Variants in PSTPIP2 observed in about 807,000 individuals in gnomAD.
PSTPIP2 encodes proline-serine-threonine phosphatase interacting protein 2.
PSTPIP2 carries 33 observed loss-of-function variants against 63.3 expected under a neutral mutation model. The ratio of observed to expected loss-of-function variants is 0.52; its 90% CI spans 0.40 to 0.70. The LOEUF is 0.70. Among genes scored for constraint, PSTPIP2 ranks in the 30% least tolerant of loss-of-function variants. PSTPIP2 has a pLI of 0.00. For synonymous variants in PSTPIP2, 125 were observed against 132.7 expected, an observed-to-expected ratio of 0.94 and a Z score of 0.40; for missense variants, 312 against 400.7, an observed-to-expected ratio of 0.78 and a Z score of 1.89.
chr18:46,040,146 C>T (rs1310547608), intron 1 of PSTPIP2, 99 bp from the exon 2 acceptor site: 3 of 966,972 alleles, frequency 3.1e-6, no homozygotes, highest in South Asian at 1.6e-5. Flanking sequence ...GGCCACGGAA[C>T]GTTGCTGACT....
At chr18:46,039,894 G>A (rs990662650) in intron 2 of PSTPIP2, 53 bp downstream of exon 2, 1 of 1,427,544 alleles carries the variant, frequency 7.0e-7, no homozygotes, top group Non-Finnish European at 9.9e-7. Context: ...TTCCTTGTCT[G>A]TGTGGAGACA....
intron 2 of PSTPIP2, chr18:46,028,670 G>A (rs1285948179): frequency 2.3e-6 from 2 of 859,522 alleles, no homozygotes; most frequent in African/African-American, 1.7e-5. Flanking sequence ...TGGTTGACAT[G>A]ATGAACAATC....
At chr18:46,006,423 G>A (rs1288283034) in intron 5 of PSTPIP2, among the ~76,000 whole-genome samples, 1 of 141,178 alleles carries the variant, frequency 7.1e-6, no homozygotes, top group Non-Finnish European at 1.5e-5. Flanking sequence ...CCAGGCTAGA[G>A]TGCAGTGGTG....
intron 1 of PSTPIP2, among the ~76,000 whole-genome samples, chr18:46,071,833 G>T (rs1364535015): frequency 2.0e-5 from 3 of 152,256 alleles, no homozygotes; most frequent in Non-Finnish European, 4.4e-5. Context: ...AGGTGTCTCG[G>T]CTCTCTGCGT....
intron 1 of PSTPIP2, among the ~76,000 whole-genome samples, chr18:46,062,767 G>A (rs778755999): frequency 6.6e-6 from 1 of 152,034 alleles, no homozygotes; most frequent in Non-Finnish European, 1.5e-5. Flanking sequence ...CACCTGCCTT[G>A]GCCTCCCAAA....
At position 46,037,441 on chromosome 18, in the gene PSTPIP2, C is replaced by T. The variant is rs112554968; in HGVS notation, c.134+2506G>A. 4.7e-3 allele frequency among the ~76,000 whole-genome samples: 714 copies of T among 152,234 alleles called. 11 individuals are homozygous for T. The highest frequency in any genetic ancestry group is 0.03 in the Admixed American group (451 of 15,282). On this transcript the variant is annotated intron_variant, in intron 2 of 14. Coordinates refer to ENST00000409746, the MANE Select transcript of PSTPIP2 (RefSeq NM_024430.4). ...GGATTACAGGTGTGAGCCACCACGC[C>T]CTGCCTCTACATGTAATTTATGACA... is the stretch of plus-strand genomic sequence containing the variant.
intron 6 of PSTPIP2, 134 bp from the exon 7 acceptor site, chr18:45,999,668 C>A: frequency 2.6e-6 from 2 of 764,948 alleles, no homozygotes; most frequent in Non-Finnish European, 4.2e-6. Flanking sequence ...AAGCCATGGG[C>A]TCCCAGAGGG....
intron 4 of PSTPIP2, among the ~76,000 whole-genome samples, chr18:46,012,071 G>C (rs1043405907): frequency 2.0e-5 from 3 of 152,026 alleles, no homozygotes; most frequent in African/African-American, 7.2e-5. Flanking sequence ...ACATATTCCA[G>C]TATTTAAAAA....
intron 2 of PSTPIP2, among the ~76,000 whole-genome samples, chr18:46,025,889 G>A (rs943567077): frequency 1.3e-5 from 2 of 152,088 alleles, no homozygotes; most frequent in Admixed American, 1.3e-4. Context: ...CATGCAGCTG[G>A]GACTACAGGT....
chr18:46,041,018 G>T (rs774578311), intron 1 of PSTPIP2: 59 of 458,802 alleles, frequency 1.3e-4, no homozygotes, highest in Admixed American at 1.2e-3. Flanking sequence ...TTTTTACTCT[G>T]TCCTTAAACT....
intron 14 of PSTPIP2, among the ~76,000 whole-genome samples, chr18:45,987,203 T>C (rs2051476781): frequency 6.6e-6 from 1 of 152,254 alleles, no homozygotes; most frequent in Non-Finnish European, 1.5e-5. Context: ...CAGTTGGCTA[T>C]AAGTCACAAA....
At chr18:45,988,894 C>G (rs2051495099) in intron 13 of PSTPIP2, 135 bp from the exon 14 acceptor site, 2 of 699,352 alleles carry the variant, frequency 2.9e-6, no homozygotes. Flanking sequence ...GATCTGCCAA[C>G]AAAAACTATA....
chr18:46,062,576 G>A (rs796820298), intron 1 of PSTPIP2, among the ~76,000 whole-genome samples: 35 of 152,136 alleles, frequency 2.3e-4, no homozygotes, highest in African/African-American at 8.2e-4. Context: ...CCAGGCTGGA[G>A]TGCAGTGGTG....
chr18:46,033,322 G>A lies in PSTPIP2; in HGVS notation c.134+6625C>T, dbSNP rs571761555. 2.0e-5 allele frequency among the ~76,000 whole-genome samples: 3 copies of A among 152,312 alleles called. No homozygotes were observed. The East Asian group carries it at 5.8e-4, about 29-fold the overall frequency. ...GACTGTGACCTTATTTGGAAATAGG[G>A]TCATTGCAGACGTAATTGTTGAGAT... On this transcript the variant is annotated intron_variant, in intron 2 of 14. Transcript: ENST00000409746.
intron 3 of PSTPIP2, among the ~76,000 whole-genome samples, chr18:46,022,774 T>C (rs1482423271): frequency 2.0e-5 from 3 of 152,102 alleles, no homozygotes; most frequent in African/African-American, 7.2e-5. Context: ...ATATATTAAA[T>C]GAATGACTGA....
intron 6 of PSTPIP2, among the ~76,000 whole-genome samples, chr18:46,002,968 G>A (rs1433566753): frequency 1.3e-5 from 2 of 152,160 alleles, no homozygotes; most frequent in Non-Finnish European, 2.9e-5. Flanking sequence ...TGATTTGGGG[G>A]AATTTTTGGT....
intron 1 of PSTPIP2, among the ~76,000 whole-genome samples, chr18:46,066,942 G>T (rs2144138918): frequency 6.6e-6 from 1 of 151,080 alleles, no homozygotes; most frequent in South Asian, 2.1e-4. Context: ...CAGAAGAATC[G>T]CTTGAACCCG....
At chr18:46,009,146 T>C (rs2051765267) in intron 5 of PSTPIP2, among the ~76,000 whole-genome samples, 1 of 152,074 alleles carries the variant, frequency 6.6e-6, no homozygotes, top group Admixed American at 6.5e-5. Flanking sequence ...ACCACCTTCA[T>C]AAAACATTAG....
intron 4 of PSTPIP2, among the ~76,000 whole-genome samples, chr18:46,011,686 T>C (rs186094302): frequency 3.0e-4 from 45 of 152,350 alleles, no homozygotes; most frequent in African/African-American, 9.6e-4. Context: ...TGAGCCTAAA[T>C]GTTTATAAGA....
Sources: gnomAD v4.1 joint callset for allele counts (sites outside exome capture counted in the v4.1 genomes callset) on GRCh38, gnomAD v4.1.1 for gene constraint, MANE v1.5 for transcripts, NCBI Gene and HGNC (gene_info 2026-07-23, HGNC 2026-07-21) for gene names.